Variants in CAMTA2 observed in about 807,000 individuals in gnomAD.
CAMTA2 encodes the protein calmodulin-binding transcription activator 2.
Under a neutral mutation model 135.7 loss-of-function variants are expected in CAMTA2, and 56 were observed. The observed-to-expected ratio is 0.41, with a 90% CI of 0.33 to 0.52. CAMTA2 has a LOEUF of 0.52. Among genes scored for constraint, CAMTA2 ranks in the 20% least tolerant of loss-of-function variants. The pLI is 0.16. For missense variants in CAMTA2, 1,358 were observed against 1,553.4 expected (o/e 0.87, Z 2.11); for synonymous variants, 591 against 604.6 (o/e 0.98, Z 0.33).
chr17:4,980,588 G>A lies in CAMTA2; in HGVS notation c.734C>T (p.Thr245Met), dbSNP rs746888398. 17 of 1,613,922 alleles carry A rather than the reference G, an allele frequency of 1.1e-5. No homozygotes were observed. The highest frequency in any genetic ancestry group is 4.5e-5 in the East Asian group (2 of 44,884). The stretch of plus-strand genomic sequence containing the variant: ...TTTGGGAGAGATGATGCGGTGTTTC[G>A]TGCTGCTGCATTTGTGGGTAAGGCT... The part of the protein sequence containing the change: ...SGSLTHKCSS[T>M]KHRIISPKVE... The change falls in exon 9 of 23, where the codon ACG becomes ATG. Residue 245 changes from threonine (T) to methionine (M), a missense_variant. Around this residue, in one of 4 missense-constraint regions of CAMTA2, gnomAD observed 1,077 missense variants for 1,127.5 expected, o/e 0.96. Transcript: ENST00000348066. This position sits in a 1 kb window ranked among gnomAD's most constrained non-coding sequence, Gnocchi z 5.3.
chr17:4,982,127 CGATG>C lies in CAMTA2; in HGVS notation c.369_372del (p.Ile124SerfsTer23), dbSNP rs756409337. On this transcript the variant is annotated frameshift_variant, in exon 6 of 23. Coordinates refer to ENST00000348066, the MANE Select transcript of CAMTA2 (RefSeq NM_015099.4). LOFTEE classifies it high-confidence loss of function. ...TAGCAGCGCCGATGGAATGTGGGGA[CGATG>C]GAAGAGTGAACGTAGCAGCCATAGA... 1 of 1,610,820 alleles carries C rather than the reference CGATG, an allele frequency of 6.2e-7. No homozygotes were observed. Among genetic ancestry groups the C allele is most frequent in the Non-Finnish European group, 8.5e-7 (1 of 1,179,362 alleles).
chr17:4,972,706 G>C lies in CAMTA2; in HGVS notation c.2503+63C>G. The C allele has an allele frequency of 2.0e-6, 3 of 1,525,124 alleles. No individual in the cohort carries two copies. In the South Asian group the frequency reaches 3.4e-5, roughly 17 times the overall value. The allele number at this position is 1,525,124 out of a possible 1,614,324, so 94.5% of individuals were successfully genotyped here. On this transcript the variant is annotated intron_variant, in intron 15 of 22. Coordinates refer to ENST00000348066, the MANE Select transcript of CAMTA2 (RefSeq NM_015099.4). ...TCTTACTCGTTTCCCACACCCTTTG[G>C]CTTTGTCCTGGCCTATCCTCCTACC...
At chr17:4,987,486 G>T in intron 1 of CAMTA2, 107 bp downstream of exon 1, 1 of 1,404,622 alleles carries the variant, frequency 7.1e-7, no homozygotes, top group Non-Finnish European at 9.3e-7. Context: ...AGGGCGAACC[G>T]GGAAGAGGGA....
At position 4,984,836 on chromosome 17, in the gene CAMTA2, T is replaced by G. The variant is rs149143065; in HGVS notation, c.135+1044A>C. Among the ~76,000 whole-genome samples the G allele has an allele frequency of 6.3e-3, 952 of 151,470 alleles. 12 individuals carry two copies. Among genetic ancestry groups the G allele is most frequent in the African/African-American group, 0.021 (868 of 41,202 alleles). The stretch of plus-strand genomic sequence containing the variant: ...GAGTTCGAGACCAGCCTGGCCAACA[T>G]AGTGAAACCCCATCTCTACTAAAAA... On this transcript the variant is annotated intron_variant, in intron 3 of 22. Coordinates refer to ENST00000348066, the MANE Select transcript of CAMTA2 (RefSeq NM_015099.4).
intron 10 of CAMTA2, among the ~76,000 whole-genome samples, chr17:4,977,619 C>T (rs1053423755): frequency 3.3e-5 from 5 of 152,216 alleles, no homozygotes; most frequent in African/African-American, 9.6e-5. Context: ...ACCAGCAGGC[C>T]CTGATCCTAA....
At chr17:4,976,948 T>C in intron 11 of CAMTA2, 110 bp downstream of exon 11, 2 of 1,000,582 alleles carry the variant, frequency 2.0e-6, no homozygotes, top group Non-Finnish European at 2.8e-6. Flanking sequence ...AAAAAAAAAA[T>C]GGTAAAGTGG....
intron 11 of CAMTA2, among the ~76,000 whole-genome samples, chr17:4,975,882 A>AAG (rs1555560299): frequency 0.021 from 6 of 288 alleles, no homozygotes; most frequent in Admixed American, 0.15. Flanking sequence ...CAGGAACAAA[A>AAG]ACTCCCAGAT....
chr17:4,987,607 C>G lies in CAMTA2; in HGVS notation c.-79G>C. 6.5e-7 allele frequency: 1 copy of G among 1,527,478 alleles called. No homozygotes were observed. The highest frequency in any genetic ancestry group is 1.2e-5 in the South Asian group (1 of 82,940). 94.6% of individuals were successfully genotyped at this position (1,527,478 alleles called of 1,614,324 possible). On this transcript the variant is annotated 5_prime_UTR_variant, in exon 1 of 23. Transcript: ENST00000348066. ...CTGGCTCTTACCTCCCGGGGTCCCG[C>G]GGGTGACGGCGGCAGCGGCCATTCT...
Position 4,970,083 on chromosome 17 carries a change from T to C in CAMTA2, c.3008A>G (p.Glu1003Gly). ...DHFPSSTPPS[E>G]LPFERGRLAV... ...CAGGCGACCTCGCTCAAAGGGCAGT[T>C]CGCTGTAGGCGGTAGGGAAAGAGGG... is the stretch of plus-strand genomic sequence containing the variant. Residue 1003 changes from glutamate (E) to glycine (G), a missense_variant and splice_region_variant, in exon 18 of 23, where the codon GAA becomes GGA. By Grantham distance (98) the Glu-to-Gly change is moderately conservative. Transcript: ENST00000348066. 1 of 1,613,810 alleles carries C rather than the reference T, an allele frequency of 6.2e-7. No individual in the cohort carries two copies. Among genetic ancestry groups the C allele is most frequent in the South Asian group, 1.1e-5 (1 of 91,080 alleles).
At chr17:4,981,983 T>C in intron 6 of CAMTA2, 106 bp downstream of exon 6, 1 of 1,271,976 alleles carries the variant, frequency 7.9e-7, no homozygotes, top group Non-Finnish European at 1.1e-6. Context: ...CTTCCCAGGC[T>C]CCTTTCCTCA....
chr17:4,974,364 C>A, intron 12 of CAMTA2, 21 bp downstream of exon 12: 3 of 1,503,726 alleles, frequency 2.0e-6, no homozygotes, highest in Non-Finnish European at 2.8e-6. Flanking sequence ...CCGTAGACCA[C>A]CTCCCTCCTC....
intron 9 of CAMTA2, 86 bp from the exon 10 acceptor site, chr17:4,978,716 C>G: frequency 1.4e-6 from 2 of 1,468,106 alleles, no homozygotes; most frequent in Admixed American, 3.7e-5. Flanking sequence ...TACAGGGTAT[C>G]TACTATATGG....
rs1392112224 is a variant in CAMTA2 at position 4,968,742 on chromosome 17, A to T, written c.*14T>A. ...CGAGGCGCCCCCAGGGTGGTGAGAA[A>T]GGCGGTGGCCAGGTCATGTGGCCAG... On this transcript the variant is annotated 3_prime_UTR_variant, in exon 23 of 23. Transcript: ENST00000348066. The T allele has an allele frequency of 3.1e-6, 5 of 1,613,972 alleles. 1 individual carries two copies. In the South Asian group the frequency reaches 5.5e-5, roughly 18 times the overall value.
At chr17:4,974,185 C>T (rs1447032843) in intron 12 of CAMTA2, 200 bp downstream of exon 12, 19 of 578,996 alleles carry the variant, frequency 3.3e-5, no homozygotes, top group South Asian at 1.2e-4. Flanking sequence ...GTCTGAAGCC[C>T]GTCATGCCAA....
chr17:4,976,015 T>C (rs1972592114), intron 11 of CAMTA2, among the ~76,000 whole-genome samples: 1 of 151,380 alleles, frequency 6.6e-6, no homozygotes, highest in Admixed American at 6.6e-5. Context: ...AATTTTTTTC[T>C]TTTTTTTTGA....
At chr17:4,982,182 TGG>T in intron 5 of CAMTA2, 22 bp from the exon 6 acceptor site, 4 of 534,636 alleles carry the variant, frequency 7.5e-6, no homozygotes, top group East Asian at 5.1e-5. Context: ...CAGGCTGGGG[TGG>T]GGGGAGGGCT....
Position 4,980,561 on chromosome 17 carries a change from A to G in CAMTA2, c.761T>C (p.Val254Ala). 6.2e-7 allele frequency: 1 copy of G among 1,614,026 alleles called. No individual in the cohort carries two copies. ...STKHRIISPKVEPRALTLTSI... is the reference protein window; with the variant it reads ...STKHRIISPKAEPRALTLTSI... ...GGTCAGGGTTAAAGCTCGGGGCTCCACTTTGGGAGAGATGATGCGGTGTTT... is the reference window on the plus strand; with the variant it reads ...GGTCAGGGTTAAAGCTCGGGGCTCCGCTTTGGGAGAGATGATGCGGTGTTT... Residue 254 changes from valine (V) to alanine (A), a missense_variant, in exon 9 of 23, where the codon GTG (valine) becomes GCG (alanine). Val to Ala is a moderately conservative substitution (Grantham distance 64). Transcript: ENST00000348066. This position sits in a 1 kb window ranked among gnomAD's most constrained non-coding sequence, Gnocchi z 5.3.
At chr17:4,981,575 G>A in intron 7 of CAMTA2, 103 bp downstream of exon 7, 1 of 1,390,064 alleles carries the variant, frequency 7.2e-7, no homozygotes, top group Non-Finnish European at 9.8e-7. Flanking sequence ...CCAGCTTGGA[G>A]GGAGATGATC....
intron 12 of CAMTA2, 68 bp from the exon 13 acceptor site, chr17:4,973,837 A>C (rs948615234): frequency 7.2e-7 from 1 of 1,392,520 alleles, no homozygotes; most frequent in African/African-American, 1.4e-5. Flanking sequence ...GGCCTTGGCC[A>C]CCTCACATCT....
Sources: allele counts gnomAD v4.1 joint callset (sites outside exome capture counted in the v4.1 genomes callset), GRCh38; gene constraint gnomAD v4.1.1; regional missense constraint gnomAD v4.1.1; non-coding constraint Gnocchi (gnomAD v3.1); transcripts MANE v1.5; gene names NCBI Gene and HGNC (gene_info 2026-07-23, HGNC 2026-07-21).